Variants in SWT1 observed in about 807,000 individuals in gnomAD.
SWT1 encodes the protein transcriptional protein SWT1.
In SWT1, 33 loss-of-function variants were observed where a neutral mutation model predicts 107.3. The observed-to-expected ratio is 0.31, with a 90% CI of 0.23 to 0.41. The LOEUF (loss-of-function observed/expected upper bound fraction) is 0.41, where lower values mean the gene tolerates loss of function less well. Ranked by LOEUF, SWT1 falls within the 10% of genes least tolerant of loss-of-function variation. The pLI is 1.00. For missense variants in SWT1, 898 were observed against 1,028.9 expected, an observed-to-expected ratio of 0.87 and a Z score of 1.74; for synonymous variants, 345 against 348.3, an observed-to-expected ratio of 0.99 and a Z score of 0.11.
chr1:185,191,386 T>C (rs1459937118), intron 10 of SWT1, among the ~76,000 whole-genome samples: 2 of 151,468 alleles, frequency 1.3e-5, no homozygotes, highest in African/African-American at 4.9e-5. Context: ...TAATTTGCAG[T>C]TTTTTTTTAA....
chr1:185,247,132 G>A lies in SWT1; in HGVS notation c.2441+15424G>A, dbSNP rs201178376. Reference sequence around the variant, plus strand: ...CATTTGATGAAGGTTAATTCAATAAGTAATATAATCTGTAAATCATCTAAC... The same window carrying A: ...CATTTGATGAAGGTTAATTCAATAAATAATATAATCTGTAAATCATCTAAC... On this transcript the variant is annotated intron_variant, in intron 16 of 18. Transcript: ENST00000367500. 4.6e-5 allele frequency among the ~76,000 whole-genome samples: 7 copies of A among 152,096 alleles called. No homozygotes were observed. The East Asian group carries it at 1.2e-3, about 25-fold the overall frequency.
intron 10 of SWT1, among the ~76,000 whole-genome samples, chr1:185,194,055 C>A (rs961030334): frequency 3.3e-5 from 5 of 152,180 alleles, no homozygotes; most frequent in Non-Finnish European, 7.3e-5. Flanking sequence ...TTAGTTCTGA[C>A]ATCATTCCTG....
intron 10 of SWT1, among the ~76,000 whole-genome samples, chr1:185,199,706 GTGACAATTA>G (rs1657705438): frequency 6.6e-6 from 1 of 152,094 alleles, no homozygotes; most frequent in South Asian, 2.1e-4. Context: ...CTTGGTGAAT[GTGACAATTA>G]TGTGTCTTGG....
intron 2 of SWT1, among the ~76,000 whole-genome samples, chr1:185,164,514 A>G (rs1213548228): frequency 2.0e-5 from 3 of 152,216 alleles, no homozygotes; most frequent in Non-Finnish European, 2.9e-5. Flanking sequence ...TAGTGTAGCA[A>G]CCACCTTCAT....
chr1:185,203,712 T>A (rs938325734), intron 11 of SWT1, among the ~76,000 whole-genome samples: 1 of 152,176 alleles, frequency 6.6e-6, no homozygotes, highest in African/African-American at 2.4e-5. Flanking sequence ...TGAAGAAATA[T>A]TTTATTAAAC....
At chr1:185,283,962 T>G (rs1342414692) in intron 18 of SWT1, among the ~76,000 whole-genome samples, 1 of 152,206 alleles carries the variant, frequency 6.6e-6, no homozygotes, top group Non-Finnish European at 1.5e-5. Context: ...ATATTTGAAT[T>G]CTTATAATTA....
At chr1:185,279,894 A>G (rs978206752) in intron 18 of SWT1, among the ~76,000 whole-genome samples, 3 of 152,034 alleles carry the variant, frequency 2.0e-5, no homozygotes, top group Admixed American at 2.0e-4. Flanking sequence ...TCTGAATTTG[A>G]TAATCTTTGT....
At chr1:185,250,854 G>C (rs576789464) in intron 16 of SWT1, among the ~76,000 whole-genome samples, 10 of 152,118 alleles carry the variant, frequency 6.6e-5, no homozygotes, top group South Asian at 2.1e-4. Flanking sequence ...GTAGAAACAG[G>C]GTTTCGCCAT....
At chr1:185,256,289 G>A (rs1407347242) in intron 16 of SWT1, among the ~76,000 whole-genome samples, 1 of 150,936 alleles carries the variant, frequency 6.6e-6, no homozygotes, top group African/African-American at 2.4e-5. Context: ...GAGTATCTTT[G>A]TGGCATTCTC....
chr1:185,214,459 T>G, intron 13 of SWT1, 48 bp from the exon 14 acceptor site: 1 of 1,443,630 alleles, frequency 6.9e-7, no homozygotes, highest in Non-Finnish European at 9.5e-7. Context: ...ATTTTTATGA[T>G]GTATACTCAT....
intron 16 of SWT1, among the ~76,000 whole-genome samples, chr1:185,233,948 G>C (rs762998272): frequency 3.3e-5 from 5 of 152,110 alleles, no homozygotes; most frequent in African/African-American, 4.8e-5. Context: ...GTTTCACCAT[G>C]TTAGCAAGGA....
At chr1:185,257,287 C>G (rs941765588) in intron 16 of SWT1, among the ~76,000 whole-genome samples, 1 of 152,086 alleles carries the variant, frequency 6.6e-6, no homozygotes, top group East Asian at 1.9e-4. Context: ...GGCAGGCCTC[C>G]TTGAGCTGTG....
chr1:185,255,472 G>T (rs1662418294), intron 16 of SWT1, among the ~76,000 whole-genome samples: 1 of 131,870 alleles, frequency 7.6e-6, no homozygotes, highest in Non-Finnish European at 1.6e-5. Context: ...TCCTGTATTG[G>T]GTGCATATAT....
chr1:185,200,192 C>A (rs1657755119), intron 10 of SWT1, among the ~76,000 whole-genome samples: 1 of 152,096 alleles, frequency 6.6e-6, no homozygotes, highest in Admixed American at 6.6e-5. Flanking sequence ...TGAGTTAGAA[C>A]ATGCTCCTTT....
Position 185,280,574 on chromosome 1 carries a change from G to A in SWT1, c.2573+3906G>A, listed in dbSNP as rs142395584. Among the ~76,000 whole-genome samples, 269 of 152,216 alleles carry A rather than the reference G, an allele frequency of 1.8e-3. 1 individual carries two copies. The highest frequency in any genetic ancestry group is 6.2e-3 in the African/African-American group (256 of 41,536). On this transcript the variant is annotated intron_variant, in intron 18 of 18. Coordinates refer to ENST00000367500, the MANE Select transcript of SWT1 (RefSeq NM_017673.7). ...ACTCTTGGTGGGCTCCTGGATGGGG[G>A]CTGGTCACCAGAAGGACCCAGCCAT...
chr1:185,261,035 T>G (rs1662980349), intron 16 of SWT1, among the ~76,000 whole-genome samples: 2 of 152,150 alleles, frequency 1.3e-5, no homozygotes, highest in South Asian at 4.1e-4. Context: ...AACTTACAGT[T>G]TATCTTCTTA....
chr1:185,286,746 T>G (rs565177347), intron 18 of SWT1, among the ~76,000 whole-genome samples: 1 of 152,188 alleles, frequency 6.6e-6, no homozygotes, highest in Non-Finnish European at 1.5e-5. Context: ...AAATAGAAAT[T>G]ATTCTGTTTC....
intron 18 of SWT1, among the ~76,000 whole-genome samples, chr1:185,290,283 A>G (rs1665174300): frequency 1.3e-5 from 2 of 152,054 alleles, no homozygotes; most frequent in African/African-American, 4.8e-5. Flanking sequence ...GTCTTTTAAA[A>G]ATAATAACTA....
chr1:185,168,361 C>A lies in SWT1; in HGVS notation c.187C>A (p.Leu63Met). 1 of 1,368,494 alleles carries A rather than the reference C, an allele frequency of 7.3e-7. No homozygotes were observed. The highest frequency in any genetic ancestry group is 2.7e-5 in the East Asian group (1 of 36,514). 84.8% of individuals were successfully genotyped at this position (1,368,494 alleles called of 1,614,324 possible). ...RKLKSDHTDV[L>M]YYNIKRRQGL... ...TCAGAAATCAGATCATACAGATGTT[C>A]TGTACTATAATATAAAAAGAAGACA... Residue 63 changes from leucine (L) to methionine (M), a missense_variant, in exon 4 of 19, where the codon CTG becomes ATG. Transcript: ENST00000367500.
Sources: gnomAD v4.1 joint callset for allele counts (sites outside exome capture counted in the v4.1 genomes callset) on GRCh38, gnomAD v4.1.1 for gene constraint, MANE v1.5 for transcripts, NCBI Gene and HGNC (gene_info 2026-07-23, HGNC 2026-07-21) for gene names.